Variants in B4GALT6 observed in about 807,000 individuals in gnomAD.
The protein encoded by B4GALT6 is beta-1,4-galactosyltransferase 6.
Under a neutral mutation model 46.3 loss-of-function variants are expected in B4GALT6, and 14 were observed. That is an observed-to-expected ratio of 0.30 (90% CI 0.20 to 0.47). The LOEUF (loss-of-function observed/expected upper bound fraction) is 0.47. B4GALT6 is among the 20% of genes least tolerant of loss of function. The pLI is 0.99. For missense variants in B4GALT6, 386 were observed against 480.1 expected (o/e 0.80, Z 1.83); for synonymous variants, 168 against 162.0 (o/e 1.04, Z -0.28).
At chr18:31,679,790 T>C (rs1378249290) in intron 1 of B4GALT6, among the ~76,000 whole-genome samples, 1 of 152,198 alleles carries the variant, frequency 6.6e-6, no homozygotes, top group Admixed American at 6.5e-5. Flanking sequence ...AAGACGTGAC[T>C]TTCTATACTC....
chr18:31,721,952 A>G, the B4GALT6 span, among the ~76,000 whole-genome samples: 1 of 151,936 alleles, frequency 6.6e-6, no homozygotes, highest in African/African-American at 2.4e-5. Context: ...TGATTGATAC[A>G]CTTGGCAGTA....
rs75763293 is a variant in B4GALT6 at position 31,628,885 on chromosome 18, A to G, written c.777-1764T>C. ...GAGCTGCACAAGTCCACTGATATACAATTTCTTTTTCAATAAAAGTTACAT... is the reference window on the plus strand; with the variant it reads ...GAGCTGCACAAGTCCACTGATATACGATTTCTTTTTCAATAAAAGTTACAT... On this transcript the variant is annotated intron_variant, in intron 6 of 8. Coordinates refer to ENST00000306851, the MANE Select transcript of B4GALT6 (RefSeq NM_004775.5). Among the ~76,000 whole-genome samples the G allele has an allele frequency of 2.9e-4, 44 of 152,300 alleles. No individual in the cohort carries two copies. In the East Asian group the frequency reaches 7.9e-3, roughly 27 times the overall value.
chr18:31,676,194 A>C lies in B4GALT6; in HGVS notation c.115+8118T>G, dbSNP rs371950112. Among the ~76,000 whole-genome samples the C allele has an allele frequency of 8.5e-5, 13 of 152,304 alleles. No homozygotes were observed. The East Asian group carries it at 2.5e-3, about 29-fold the overall frequency. On this transcript the variant is annotated intron_variant, in intron 1 of 8. Coordinates refer to ENST00000306851, the MANE Select transcript of B4GALT6 (RefSeq NM_004775.5). The stretch of plus-strand genomic sequence containing the variant: ...TGAGCAATTAACTTAATTATCAGGA[A>C]GGCAATACACGTAACAAGATTTCAG...
the B4GALT6 span, among the ~76,000 whole-genome samples, chr18:31,708,552 G>A: frequency 1.3e-5 from 2 of 151,908 alleles, no homozygotes; most frequent in Admixed American, 1.3e-4. Context: ...GAGACAGAGT[G>A]AGACTCGTCT....
At chr18:31,641,720 C>A (rs2073932901) in intron 4 of B4GALT6, among the ~76,000 whole-genome samples, 1 of 152,196 alleles carries the variant, frequency 6.6e-6, no homozygotes, top group Non-Finnish European at 1.5e-5. Context: ...TGAATCTCTC[C>A]TCACCACCTC....
chr18:31,665,988 T>C (rs1005739845), intron 2 of B4GALT6, among the ~76,000 whole-genome samples: 2 of 152,222 alleles, frequency 1.3e-5, no homozygotes, highest in African/African-American at 4.8e-5. Context: ...AACATACGAA[T>C]TGAAAAAGTA....
At chr18:31,708,782 G>A in the B4GALT6 span, among the ~76,000 whole-genome samples, 1 of 152,038 alleles carries the variant, frequency 6.6e-6, no homozygotes, top group African/African-American at 2.4e-5. Flanking sequence ...AGATAGATCT[G>A]GGGAGAAAAT....
At chr18:31,645,137 G>A (rs779117112) in intron 4 of B4GALT6, among the ~76,000 whole-genome samples, 5 of 151,696 alleles carry the variant, frequency 3.3e-5, no homozygotes, top group Non-Finnish European at 7.4e-5. Flanking sequence ...AGAATGAACC[G>A]AGCATCTATT....
chr18:31,686,804 C>A (rs966567867), upstream of B4GALT6: 2 of 152,242 alleles, frequency 1.3e-5, no homozygotes, highest in Non-Finnish European at 2.9e-5. Context: ...TCCAATCCCA[C>A]TGTTCATTTA....
intron 3 of B4GALT6, among the ~76,000 whole-genome samples, chr18:31,646,217 T>C (rs1295593519): frequency 6.6e-6 from 1 of 152,248 alleles, no homozygotes; most frequent in African/African-American, 2.4e-5. Flanking sequence ...AAACCACTTC[T>C]GAGGTATTCC....
At chr18:31,690,629 C>A (rs752463280), upstream of B4GALT6, among the ~76,000 whole-genome samples, 1 of 151,526 alleles carries the variant, frequency 6.6e-6, no homozygotes, top group Admixed American at 6.6e-5. Flanking sequence ...CACCACCACA[C>A]CCAGTTAATT....
At chr18:31,698,175 A>C in the B4GALT6 span, among the ~76,000 whole-genome samples, 1 of 152,002 alleles carries the variant, frequency 6.6e-6, no homozygotes, top group African/African-American at 2.4e-5. Context: ...TCTGTGTTAG[A>C]TTCTCAGCTG....
rs1598935580 is a variant in B4GALT6, at chr18:31,681,002, A to T, written c.115+3310T>A. On this transcript the variant is annotated intron_variant, in intron 1 of 8. Coordinates refer to ENST00000306851, the MANE Select transcript of B4GALT6 (RefSeq NM_004775.5). The stretch of plus-strand genomic sequence containing the variant: ...CTTTCTCCTCTGGAAATCCTTAACC[A>T]GCCCTCACTTCCCACCACATGCCTT... Among the ~76,000 whole-genome samples the T allele has an allele frequency of 2.6e-5, 4 of 152,150 alleles. No homozygotes were observed. The East Asian group carries it at 7.7e-4, about 29-fold the overall frequency.
the B4GALT6 span, among the ~76,000 whole-genome samples, chr18:31,713,162 G>C: frequency 6.6e-6 from 1 of 152,066 alleles, no homozygotes; most frequent in Non-Finnish European, 1.5e-5. Context: ...AGACCAGCCT[G>C]GACAACATGG....
At chr18:31,709,551 ATATG>A in the B4GALT6 span, among the ~76,000 whole-genome samples, 4 of 104,022 alleles carry the variant, frequency 3.8e-5, no homozygotes, top group East Asian at 5.5e-4. Context: ...AATAGGATAT[ATATG>A]TGTGTGTGTG....
the B4GALT6 span, among the ~76,000 whole-genome samples, chr18:31,720,455 G>A: frequency 6.6e-6 from 1 of 152,202 alleles, no homozygotes; most frequent in African/African-American, 2.4e-5. Context: ...AGCTATGGGT[G>A]CCATCGTGAT....
upstream of B4GALT6, among the ~76,000 whole-genome samples, chr18:31,688,939 T>A (rs1345602216): frequency 6.6e-6 from 1 of 152,206 alleles, no homozygotes; most frequent in African/African-American, 2.4e-5. Context: ...TTTCATTTTT[T>A]AGAAATAAAT....
intron 5 of B4GALT6, among the ~76,000 whole-genome samples, chr18:31,634,172 G>A (rs1010730204): frequency 3.3e-5 from 5 of 152,120 alleles, no homozygotes; most frequent in African/African-American, 1.2e-4. Flanking sequence ...GGGTCCCTAG[G>A]GTCAGCATGC....
At chr18:31,676,610 A>T (rs1163139144) in intron 1 of B4GALT6, among the ~76,000 whole-genome samples, 1 of 152,214 alleles carries the variant, frequency 6.6e-6, no homozygotes, top group Non-Finnish European at 1.5e-5. Flanking sequence ...TCACCATGAC[A>T]GCCATCTCTA....
Sources: gnomAD v4.1 joint callset for allele counts (sites outside exome capture counted in the v4.1 genomes callset) on GRCh38, gnomAD v4.1.1 for gene constraint, MANE v1.5 for transcripts, NCBI Gene and HGNC (gene_info 2026-07-23, HGNC 2026-07-21) for gene names.